RNF123: variants seen among roughly 807,000 people sequenced by gnomAD.
RNF123 encodes the protein E3 ubiquitin-protein ligase RNF123.
In RNF123, 86 loss-of-function variants were observed where a neutral mutation model predicts 168.5. The ratio of observed to expected loss-of-function variants is 0.51; its 90% CI spans 0.43 to 0.61. The LOEUF (loss-of-function observed/expected upper bound fraction) is 0.61, where lower values mean the gene tolerates loss of function less well. Among genes scored for constraint, RNF123 ranks in the 20% least tolerant of loss-of-function variants. The probability of loss-of-function intolerance (pLI) is 0.00; values close to 1 mark genes in which losing one functional copy is unlikely to be tolerated. For synonymous variants in RNF123, 666 were observed against 689.1 expected, an observed-to-expected ratio of 0.97 and a Z score of 0.52; for missense variants, 1,419 against 1,729.7, an observed-to-expected ratio of 0.82 and a Z score of 3.19.
At chr3:49,697,776 C>A in intron 5 of RNF123, 109 bp from the exon 6 acceptor site, 1 of 1,379,942 alleles carries the variant, frequency 7.2e-7, no homozygotes, top group Non-Finnish European at 1.0e-6. Flanking sequence ...TGTTGGCCGC[C>A]ACAGGCAAAT....
chr3:49,715,954 A>G lies in RNF123; in HGVS notation c.3283A>G (p.Ile1095Val), dbSNP rs776413537. 5 of 1,613,988 alleles carry G rather than the reference A, an allele frequency of 3.1e-6. No individual in the cohort carries two copies. The East Asian group carries it at 8.9e-5, about 29-fold the overall frequency. ...LEMTITLVPE[I>V]FLDWTRPTSE... ...GATGACTATCACACTGGTGCCTGAG[A>G]TATTCCTTGACTGGACCCGGCCTAC... Residue 1095 changes from isoleucine to valine, a missense_variant, in exon 33 of 39, where the codon ATA (isoleucine) becomes GTA (valine). Physicochemically the swap from Ile to Val is conservative, Grantham distance 29. Transcript: ENST00000327697.
intron 35 of RNF123, chr3:49,719,429 T>A (rs758821941): frequency 1.2e-6 from 2 of 1,613,504 alleles, no homozygotes; most frequent in Non-Finnish European, 1.7e-6. Flanking sequence ...ACGCGCAGCA[T>A]GCAGAGCAGT....
chr3:49,703,652 C>G, intron 21 of RNF123, 124 bp downstream of exon 21: 1 of 704,634 alleles, frequency 1.4e-6, no homozygotes, highest in Non-Finnish European at 2.4e-6. Context: ...TCTTTCCACC[C>G]ACTCAGGCAG....
chr3:49,711,613 G>A (rs1365863731), intron 26 of RNF123, among the ~76,000 whole-genome samples: 2 of 152,038 alleles, frequency 1.3e-5, no homozygotes, highest in Non-Finnish European at 2.9e-5. Context: ...TTGGGCTTTA[G>A]GGCACATCAG....
Position 49,720,652 on chromosome 3 carries a change from CTG to C in RNF123, c.3643+2_3643+3del. 1 of 1,598,540 alleles carries C rather than the reference CTG, an allele frequency of 6.3e-7. No homozygotes were observed. Among genetic ancestry groups the C allele is most frequent in the Non-Finnish European group, 8.6e-7 (1 of 1,169,194 alleles). ...ACCGGAAGCGCTTCTCCCTGCAGAG[CTG>C]TGAGTGGGCTGGTGGGGCAGGTCAG... is the stretch of plus-strand genomic sequence containing the variant. On this transcript the variant is annotated splice_donor_variant and coding_sequence_variant, in exon 36 of 39. Transcript: ENST00000327697. LOFTEE classifies it high-confidence loss of function.
chr3:49,718,275 G>A, intron 35 of RNF123: 8 of 1,612,954 alleles, frequency 5.0e-6, no homozygotes, highest in Non-Finnish European at 5.9e-6. Context: ...AGAGCAGCAC[G>A]AGCACAAGGC....
chr3:49,701,434 C>A, intron 15 of RNF123, 57 bp from the exon 16 acceptor site: 1 of 1,374,068 alleles, frequency 7.3e-7, no homozygotes, highest in Non-Finnish European at 1.0e-6. Flanking sequence ...GGGAAGGACT[C>A]TTGAGGGTGT....
chr3:49,713,652 TCTA>T, intron 28 of RNF123, 65 bp downstream of exon 28: 1 of 1,578,182 alleles, frequency 6.3e-7, no homozygotes, highest in Admixed American at 1.9e-5. Context: ...TCGGCTTTCT[TCTA>T]TGAAAAATGT....
At chr3:49,697,751 T>C (rs1036939931) in intron 5 of RNF123, 134 bp from the exon 6 acceptor site, 10 of 1,084,930 alleles carry the variant, frequency 9.2e-6, no homozygotes, top group African/African-American at 1.5e-5. Flanking sequence ...CCCACCGTCC[T>C]CAGGCACAGT....
At chr3:49,697,002 G>T (rs759966605) in intron 3 of RNF123, 141 bp from the exon 4 acceptor site, 7 of 737,420 alleles carry the variant, frequency 9.5e-6, no homozygotes, top group South Asian at 8.9e-5. Flanking sequence ...CCTCCTGCAT[G>T]CCAGAGTCTA....
Position 49,703,407 on chromosome 3 carries a change from GCCT to G in RNF123, c.1751-15_1751-13del. The stretch of plus-strand genomic sequence containing the variant: ...CTACTGGGCCGTGACCACTGGCCTA[GCCT>G]CCTCAATTCCTCGCAGAGGCCTACA... On this transcript the variant is annotated splice_polypyrimidine_tract_variant and intron_variant, in intron 20 of 38. Coordinates refer to ENST00000327697, the MANE Select transcript of RNF123 (RefSeq NM_022064.5). The G allele has an allele frequency of 6.2e-7, 1 of 1,606,464 alleles. No homozygotes were observed. Among genetic ancestry groups the G allele is most frequent in the Non-Finnish European group, 8.5e-7 (1 of 1,173,480 alleles).
intron 35 of RNF123, chr3:49,717,627 G>T: frequency 4.5e-6 from 2 of 441,344 alleles, no homozygotes; most frequent in Non-Finnish European, 4.1e-6. Context: ...GCTGTGCTGT[G>T]TTGAAAGCCA....
Position 49,699,747 on chromosome 3 carries a change from T to A in RNF123, c.959T>A (p.Ile320Asn), listed in dbSNP as rs1332413860. Residue 320 changes from isoleucine to asparagine, a missense_variant, in exon 12 of 39, where the codon ATC becomes AAC. Physicochemically the swap from Ile to Asn is moderately radical, Grantham distance 149. Transcript: ENST00000327697. This position sits in a 1 kb window ranked among gnomAD's most constrained non-coding sequence, Gnocchi z 4.8. Reference protein sequence around the residue: ...QPTVLLTLAHIFHHFAPLLRK... With the variant: ...QPTVLLTLAHNFHHFAPLLRK... ...ACCGTCCTCCTCACACTGGCCCACA[T>A]CTTCCATCACTTTGCACCGCTTCTG... 3 of 1,613,594 alleles carry A rather than the reference T, an allele frequency of 1.9e-6. No individual in the cohort carries two copies. Among genetic ancestry groups the A allele is most frequent in the Non-Finnish European group, 2.5e-6 (3 of 1,179,978 alleles).
chr3:49,698,686 G>A (rs1051326897), intron 8 of RNF123, 69 bp from the exon 9 acceptor site: 12 of 1,579,132 alleles, frequency 7.6e-6, no homozygotes, highest in African/African-American at 1.3e-5. Flanking sequence ...TTCTGGAAAC[G>A]CAGCTGGGGT....
At chr3:49,710,477 A>T (rs11714024) in intron 26 of RNF123, among the ~76,000 whole-genome samples, 2 of 150,540 alleles carry the variant, frequency 1.3e-5, no homozygotes, top group Admixed American at 6.6e-5. Context: ...ATGGGGTTTC[A>T]CCTTGTTGGT....
At chr3:49,701,690 A>G in intron 16 of RNF123, 82 bp downstream of exon 16, 1 of 1,465,184 alleles carries the variant, frequency 6.8e-7, no homozygotes, top group South Asian at 1.1e-5. Context: ...ATCTAGCATG[A>G]GGCCTTTTCA....
At chr3:49,708,523 T>A (rs2080078777) in intron 26 of RNF123, among the ~76,000 whole-genome samples, 1 of 152,166 alleles carries the variant, frequency 6.6e-6, no homozygotes, top group African/African-American at 2.4e-5. Flanking sequence ...CAGCTGGGCC[T>A]TACTTCCATG....
At chr3:49,691,578 G>C in intron 3 of RNF123, 69 bp downstream of exon 3, 1 of 1,261,374 alleles carries the variant, frequency 7.9e-7, no homozygotes, top group Non-Finnish European at 1.2e-6. Flanking sequence ...TGCAGTTGTA[G>C]GGAAAGGGAG....
chr3:49,699,207 C>CA lies in RNF123; in HGVS notation c.764+102_764+103insA. The CA allele has an allele frequency of 6.9e-7, 1 of 1,456,458 alleles. No homozygotes were observed. Among genetic ancestry groups the CA allele is most frequent in the Non-Finnish European group, 9.3e-7 (1 of 1,080,232 alleles). 90.2% of individuals were successfully genotyped at this position (1,456,458 alleles called of 1,614,324 possible). ...GGGTGCCATGGGCTGGTGGCAGGCCCTGGCTGCTGCAGAGTTAGTGGGGGG... is the reference window on the plus strand; with the variant it reads ...GGGTGCCATGGGCTGGTGGCAGGCCCATGGCTGCTGCAGAGTTAGTGGGGGG... On this transcript the variant is annotated intron_variant, in intron 10 of 38. Transcript: ENST00000327697. This position sits in a 1 kb window ranked among gnomAD's most constrained non-coding sequence, Gnocchi z 4.8.
Sources: allele counts gnomAD v4.1 joint callset (sites outside exome capture counted in the v4.1 genomes callset), GRCh38; gene constraint gnomAD v4.1.1; non-coding constraint Gnocchi (gnomAD v3.1); transcripts MANE v1.5; gene names NCBI Gene and HGNC (gene_info 2026-07-23, HGNC 2026-07-21).